The following PLEKHG1 variants were observed in gnomAD, a reference collection of about 807,000 sequenced individuals.
The protein encoded by PLEKHG1 is pleckstrin homology domain-containing family G member 1.
In PLEKHG1, 44 loss-of-function variants were observed where a neutral mutation model predicts 100.8. The observed-to-expected ratio is 0.44, with a 90% CI of 0.34 to 0.56. The LOEUF is 0.56. Among genes scored for constraint, PLEKHG1 ranks in the 20% least tolerant of loss-of-function variants. The probability of loss-of-function intolerance (pLI) is 0.01; values close to 1 mark genes in which losing one functional copy is unlikely to be tolerated. For synonymous variants in PLEKHG1, 640 were observed against 662.5 expected (o/e 0.97, Z 0.52); for missense variants, 1,545 against 1,720.9 (o/e 0.90, Z 1.81).
intron 3 of PLEKHG1, among the ~76,000 whole-genome samples, chr6:150,715,405 T>C (rs993775492): frequency 5.3e-5 from 8 of 152,192 alleles, no homozygotes; most frequent in African/African-American, 1.9e-4. Context: ...GGTCAGCGTG[T>C]TCTTCTGAGG....
At chr6:150,663,353 A>C (rs1423940920) in intron 3 of PLEKHG1, 2 of 152,232 alleles carry the variant, frequency 1.3e-5, no homozygotes, top group Non-Finnish European at 2.9e-5. Context: ...AAATGGCTTA[A>C]ATAATGTGGT....
At chr6:150,727,605 A>AC (rs1308042388) in intron 1 of PLEKHG1, among the ~76,000 whole-genome samples, 3 of 72,150 alleles carry the variant, frequency 4.2e-5, no homozygotes, top group East Asian at 5.0e-4. Flanking sequence ...AGGATGGCAC[A>AC]AAAAAAAAAA....
At chr6:150,627,861 A>C (rs1777569058) in intron 1 of PLEKHG1, among the ~76,000 whole-genome samples, 1 of 152,212 alleles carries the variant, frequency 6.6e-6, no homozygotes, top group South Asian at 2.1e-4. Context: ...GATCATTAGA[A>C]ACTGAAATCC....
At position 150,683,268 on chromosome 6, in the gene PLEKHG1, G is replaced by A. The variant is rs1040793577; in HGVS notation, c.-99+32482G>A. 3.9e-5 allele frequency among the ~76,000 whole-genome samples: 6 copies of A among 152,208 alleles called. No homozygotes were observed. Among genetic ancestry groups the A allele is most frequent in the Non-Finnish European group, 8.8e-5 (6 of 68,036 alleles). On this transcript the variant is annotated intron_variant, in intron 3 of 3. Transcript: ENST00000367326. This position sits in a 1 kb window ranked among gnomAD's most constrained non-coding sequence, Gnocchi z 4.0. Reference sequence around the variant, plus strand: ...ACATTAGCAACAAACACCCATGAACGAAAGTTTGTTGTGAGCCACACTGGT... The same window carrying A: ...ACATTAGCAACAAACACCCATGAACAAAAGTTTGTTGTGAGCCACACTGGT...
chr6:150,811,204 G>A (rs1486811372), intron 10 of PLEKHG1, among the ~76,000 whole-genome samples: 1 of 151,980 alleles, frequency 6.6e-6, no homozygotes, highest in African/African-American at 2.4e-5. Context: ...GAAGAATAAA[G>A]TGTTCAATTG....
At chr6:150,627,688 T>A (rs949259566) in intron 1 of PLEKHG1, among the ~76,000 whole-genome samples, 4 of 152,220 alleles carry the variant, frequency 2.6e-5, no homozygotes, top group African/African-American at 9.7e-5. Context: ...ACACATAGAT[T>A]TTGTTTTTTA....
intron 2 of PLEKHG1, among the ~76,000 whole-genome samples, chr6:150,750,204 C>T (rs984055246): frequency 6.6e-6 from 1 of 152,128 alleles, no homozygotes; most frequent in Admixed American, 6.5e-5. Context: ...GATAGGAAGC[C>T]TACATACACC....
At chr6:150,765,347 C>T (rs1042072931) in intron 2 of PLEKHG1, among the ~76,000 whole-genome samples, 1 of 141,018 alleles carries the variant, frequency 7.1e-6, no homozygotes, top group East Asian at 2.3e-4. Flanking sequence ...ACAAAAATTA[C>T]CCAGGCATGA....
chr6:150,720,938 T>C (rs779159484), upstream of PLEKHG1: 3 of 152,920 alleles, frequency 2.0e-5, no homozygotes, highest in African/African-American at 4.8e-5. Flanking sequence ...TGTTTCTCAA[T>C]TGAATGATGT....
At chr6:150,612,301 A>C (rs1303828371) in intron 1 of PLEKHG1, among the ~76,000 whole-genome samples, 1 of 151,966 alleles carries the variant, frequency 6.6e-6, no homozygotes, top group Non-Finnish European at 1.5e-5. Flanking sequence ...CTGACATTGA[A>C]TGTGTGTTTT....
intron 3 of PLEKHG1, among the ~76,000 whole-genome samples, chr6:150,700,560 C>T (rs1277143237): frequency 6.6e-6 from 1 of 151,326 alleles, no homozygotes; most frequent in Non-Finnish European, 1.5e-5. Context: ...ATATTTACCT[C>T]GGGCCCCCCT....
intron 12 of PLEKHG1, 93 bp from the exon 14 acceptor site, chr6:150,821,102 A>T (rs1281774916): frequency 1.1e-6 from 1 of 947,248 alleles, no homozygotes; most frequent in Admixed American, 2.1e-5. Context: ...AGCTCTGTTA[A>T]TCTGTCAATA....
At chr6:150,645,884 A>G (rs1212930221) in intron 2 of PLEKHG1, among the ~76,000 whole-genome samples, 1 of 152,224 alleles carries the variant, frequency 6.6e-6, no homozygotes, top group Admixed American at 6.5e-5. Flanking sequence ...TTCAATTCAG[A>G]TAAATACAAT....
At chr6:150,810,359 G>GCAACCTC (rs1419023545) in intron 10 of PLEKHG1, among the ~76,000 whole-genome samples, 5 of 150,574 alleles carry the variant, frequency 3.3e-5, no homozygotes, top group African/African-American at 1.2e-4. Context: ...AAAGCAAACT[G>GCAACCTC]CAACCTCTTG....
chr6:150,840,858 G>A (rs1562574067), exon 16 of PLEKHG1: 2 of 1,612,160 alleles, frequency 1.2e-6, no homozygotes, highest in Non-Finnish European at 1.7e-6. Flanking sequence ...GTCTCTAAGG[G>A]AAAAATTTCA....
chr6:150,763,888 A>C (rs1388261827), intron 2 of PLEKHG1, among the ~76,000 whole-genome samples: 1 of 152,184 alleles, frequency 6.6e-6, no homozygotes, highest in Non-Finnish European at 1.5e-5. Flanking sequence ...TGACGAAGAG[A>C]GAGGAGCCCC....
At chr6:150,804,559 A>G (rs752509322) in intron 6 of PLEKHG1, 51 bp from the exon 8 acceptor site, 30 of 1,432,382 alleles carry the variant, frequency 2.1e-5, no homozygotes, top group Non-Finnish European at 2.6e-5. Context: ...TTCACTGTCT[A>G]TATGAAAATA....
At position 150,799,066 on chromosome 6, in the gene PLEKHG1, A is replaced by C. The variant is rs181671178; in HGVS notation, c.630-1653A>C. 1.4e-4 allele frequency among the ~76,000 whole-genome samples: 22 copies of C among 152,286 alleles called. 1 individual carries two copies. In the East Asian group the frequency reaches 4.2e-3, roughly 29 times the overall value. On this transcript the variant is annotated intron_variant, in intron 5 of 15. Coordinates refer to ENST00000358517, the Ensembl canonical transcript of PLEKHG1. ...AGAAAGTTGTCTTTAAAAAAAAAAA[A>C]AATTGAGTCTGACTTTGAAGAAAAG... is the stretch of plus-strand genomic sequence containing the variant.
chr6:150,685,905 A>G (rs927371068), intron 3 of PLEKHG1, among the ~76,000 whole-genome samples: 2 of 152,238 alleles, frequency 1.3e-5, no homozygotes, highest in South Asian at 2.1e-4. Flanking sequence ...CGTAAAAGTC[A>G]TAACAACAGT....
Sources: gnomAD v4.1 joint callset for allele counts (sites outside exome capture counted in the v4.1 genomes callset) on GRCh38, gnomAD v4.1.1 for gene constraint, Gnocchi (gnomAD v3.1) non-coding constraint, MANE v1.5 for transcripts, NCBI Gene and HGNC (gene_info 2026-07-23, HGNC 2026-07-21) for gene names.